The following MAK variants were observed in gnomAD, a reference collection of about 807,000 sequenced individuals.
The protein encoded by MAK is male germ cell associated kinase, also known as serine/threonine-protein kinase MAK.
Under a neutral mutation model 82.6 loss-of-function variants are expected in MAK, and 65 were observed. The ratio of observed to expected loss-of-function variants is 0.79; its 90% CI spans 0.64 to 0.97. The LOEUF is 0.97. Among genes scored for constraint, MAK ranks in the 50% least tolerant of loss-of-function variants. The probability of loss-of-function intolerance (pLI) is 0.00; values close to 1 mark genes in which losing one functional copy is unlikely to be tolerated. For missense variants in MAK, 703 were observed against 780.2 expected (o/e 0.90, Z 1.18); for synonymous variants, 250 against 274.2 (o/e 0.91, Z 0.87).
rs952941354 is a variant in MAK at position 10,773,109 on chromosome 6, C to G, written c.1598-1G>C. The stretch of plus-strand genomic sequence containing the variant: ...TCGATTGGTTTAATTATGCTTTCTT[C>G]TAAAGAGAAGACAGATGGAAAGAAA... On this transcript the variant is annotated splice_acceptor_variant, in intron 12 of 14. Transcript: ENST00000354489. LOFTEE classifies it high-confidence loss of function. 1 of 1,476,848 alleles carries G rather than the reference C, an allele frequency of 6.8e-7. No individual in the cohort carries two copies. Among genetic ancestry groups the G allele is most frequent in the African/African-American group, 1.4e-5 (1 of 71,704 alleles). 91.5% of individuals were successfully genotyped at this position (1,476,848 alleles called of 1,614,324 possible). A position where few individuals can be genotyped will look rare whatever the true frequency, so the allele number is the denominator to read the frequency against.
At chr6:10,791,176 G>A (rs956144449) in intron 10 of MAK, among the ~76,000 whole-genome samples, 4 of 152,118 alleles carry the variant, frequency 2.6e-5, no homozygotes, top group Non-Finnish European at 4.4e-5. Context: ...TTAATACTGA[G>A]AACTGTTACT....
chr6:10,792,088 T>G (rs1775137628), intron 9 of MAK, among the ~76,000 whole-genome samples: 1 of 152,160 alleles, frequency 6.6e-6, no homozygotes, highest in Non-Finnish European at 1.5e-5. Flanking sequence ...ACTTGAATAT[T>G]TAGGATCTGA....
chr6:10,827,508 G>A (rs758388060), intron 2 of MAK, among the ~76,000 whole-genome samples: 3 of 152,100 alleles, frequency 2.0e-5, no homozygotes, highest in Non-Finnish European at 2.9e-5. Flanking sequence ...TAATCAGCAG[G>A]ACTGCTAGCA....
intron 2 of MAK, among the ~76,000 whole-genome samples, chr6:10,830,324 C>T (rs759527354): frequency 6.6e-6 from 1 of 151,538 alleles, no homozygotes; most frequent in Admixed American, 6.6e-5. Context: ...TGCCACCATG[C>T]CTGGCTAAGT....
At chr6:10,815,943 T>TATATATATATATATATATATATAC in intron 4 of MAK, among the ~76,000 whole-genome samples, 1 of 141,698 alleles carries the variant, frequency 7.1e-6, no homozygotes, top group Non-Finnish European at 1.5e-5. Context: ...TATATATATA[T>TATATATATATATATATATATATAC]ATATGTATGT....
intron 12 of MAK, among the ~76,000 whole-genome samples, chr6:10,774,711 A>C (rs111800564): frequency 2.6e-5 from 4 of 152,240 alleles, no homozygotes; most frequent in African/African-American, 9.6e-5. Flanking sequence ...CCTTGACTTT[A>C]AAAAGGACCT....
chr6:10,816,199 T>TA (rs1467293655), intron 4 of MAK, among the ~76,000 whole-genome samples: 1 of 151,660 alleles, frequency 6.6e-6, no homozygotes, highest in Non-Finnish European at 1.5e-5. Context: ...AGCCTCCAAG[T>TA]AGCTAGGACT....
chr6:10,796,591 C>T (rs1304036908), intron 8 of MAK, among the ~76,000 whole-genome samples: 1 of 152,052 alleles, frequency 6.6e-6, no homozygotes, highest in African/African-American at 2.4e-5. Flanking sequence ...GGATCACTTG[C>T]GGTCAGGAGT....
At chr6:10,831,930 A>G (rs1003961508) in intron 1 of MAK, among the ~76,000 whole-genome samples, 1 of 152,230 alleles carries the variant, frequency 6.6e-6, no homozygotes, top group African/African-American at 2.4e-5. Context: ...TGCTGAAAAG[A>G]CAAAAAAGAA....
intron 5 of MAK, among the ~76,000 whole-genome samples, chr6:10,813,114 ATATATATATATATATATATAAATTT>A (rs1777122005): frequency 1.5e-3 from 9 of 6,104 alleles, no homozygotes; most frequent in Non-Finnish European, 5.3e-3. Flanking sequence ...ATATATATAT[ATATATATATATATATATATAAATTT>A]TTTTTTTTTT....
At chr6:10,814,172 T>C (rs1447504962) in intron 4 of MAK, among the ~76,000 whole-genome samples, 1 of 151,922 alleles carries the variant, frequency 6.6e-6, no homozygotes, top group Non-Finnish European at 1.5e-5. Flanking sequence ...TTTCGCCATG[T>C]TGGTCAGGCT....
At chr6:10,816,802 C>T (rs1392842938) in intron 4 of MAK, among the ~76,000 whole-genome samples, 1 of 151,880 alleles carries the variant, frequency 6.6e-6, no homozygotes, top group Non-Finnish European at 1.5e-5. Flanking sequence ...CTTAGTATAG[C>T]CATTTAACAG....
At chr6:10,837,863 G>A (rs1779252403) in intron 1 of MAK, among the ~76,000 whole-genome samples, 1 of 152,166 alleles carries the variant, frequency 6.6e-6, no homozygotes, top group Non-Finnish European at 1.5e-5. Context: ...AGGCTCCAGG[G>A]ACCGCGTGGT....
intron 11 of MAK, among the ~76,000 whole-genome samples, chr6:10,782,821 G>T (rs965390263): frequency 6.6e-6 from 1 of 151,982 alleles, no homozygotes; most frequent in African/African-American, 2.4e-5. Context: ...CAGGTGATCC[G>T]CCCACCTCGG....
chr6:10,813,126 ATATATATAAATTTTTTTTTTTTT>A (rs1777155942), intron 5 of MAK, among the ~76,000 whole-genome samples: 1 of 682 alleles, frequency 1.5e-3, no homozygotes, highest in African/African-American at 4.3e-3. Flanking sequence ...ATATATATAT[ATATATATAAATTTTTTTTTTTTT>A]TTTTTTTTTT....
At chr6:10,799,257 G>A (rs943892596) in intron 8 of MAK, among the ~76,000 whole-genome samples, 7 of 152,152 alleles carry the variant, frequency 4.6e-5, no homozygotes, top group African/African-American at 1.7e-4. Flanking sequence ...CTCTTACTAA[G>A]AGAGATAAAT....
At chr6:10,827,626 G>A (rs1426965561) in intron 2 of MAK, 2 of 152,120 alleles carry the variant, frequency 1.3e-5, no homozygotes, top group Non-Finnish European at 2.9e-5. Context: ...GAATTATGTA[G>A]GTTAGGGAAG....
At chr6:10,779,069 A>C (rs1333697233) in intron 11 of MAK, among the ~76,000 whole-genome samples, 1 of 139,858 alleles carries the variant, frequency 7.2e-6, no homozygotes, top group African/African-American at 2.7e-5. Context: ...TGGAGGTTGC[A>C]GTGAGCTGAG....
chr6:10,802,085 G>A lies in MAK; in HGVS notation c.664-26C>T, dbSNP rs765938238. 7 of 1,605,084 alleles carry A rather than the reference G, an allele frequency of 4.4e-6. No individual in the cohort carries two copies. In the South Asian group the frequency reaches 7.8e-5, roughly 18 times the overall value. ...CTGTTTCAGGAATATATAAGTGCAG[G>A]TGGGGAGGGCAAAACAAATTGTTTT... On this transcript the variant is annotated intron_variant, in intron 7 of 14. Coordinates refer to ENST00000354489, the MANE Select transcript of MAK (RefSeq NM_001242957.3).
Sources: gnomAD v4.1 joint callset for allele counts (sites outside exome capture counted in the v4.1 genomes callset) on GRCh38, gnomAD v4.1.1 for gene constraint, MANE v1.5 for transcripts, NCBI Gene and HGNC (gene_info 2026-07-23, HGNC 2026-07-21) for gene names.